Variants in CMTM8 observed in about 807,000 individuals in gnomAD.
CMTM8 encodes the protein CKLF like MARVEL transmembrane domain containing 8, also known as CKLF-like MARVEL transmembrane domain-containing protein 8.
Under a neutral mutation model 18.6 loss-of-function variants are expected in CMTM8, and 12 were observed. The observed-to-expected ratio is 0.65, with a 90% CI of 0.41 to 1.05. CMTM8 has a LOEUF of 1.05. Among genes scored for constraint, CMTM8 ranks in the 50% least tolerant of loss-of-function variants. The probability of loss-of-function intolerance (pLI) is 0.00; values close to 1 mark genes in which losing one functional copy is unlikely to be tolerated. For missense variants in CMTM8, 217 were observed against 227.2 expected (o/e 0.95, Z 0.29); for synonymous variants, 87 against 90.6 (o/e 0.96, Z 0.23).
At chr3:32,362,991 C>T (rs1397853430) in intron 2 of CMTM8, among the ~76,000 whole-genome samples, 2 of 151,836 alleles carry the variant, frequency 1.3e-5, no homozygotes, top group Non-Finnish European at 2.9e-5. Context: ...TGGCCTCTAG[C>T]TGATACAATC....
chr3:32,314,519 G>T (rs1695883085), intron 1 of CMTM8, among the ~76,000 whole-genome samples: 2 of 150,572 alleles, frequency 1.3e-5, no homozygotes, highest in Admixed American at 6.6e-5. Context: ...TCACTCTGTT[G>T]CCCAGGCTAA....
chr3:32,316,127 C>T (rs537647435), intron 1 of CMTM8, among the ~76,000 whole-genome samples: 3 of 150,482 alleles, frequency 2.0e-5, no homozygotes, highest in East Asian at 2.0e-4. Flanking sequence ...CCCGGGATCA[C>T]GCCAATTCTC....
intron 1 of CMTM8, among the ~76,000 whole-genome samples, chr3:32,274,702 T>C (rs1042355196): frequency 6.6e-6 from 1 of 152,242 alleles, no homozygotes; most frequent in African/African-American, 2.4e-5. Context: ...TTATATTCTT[T>C]TTCCCTGTCC....
chr3:32,254,176 G>A (rs1035704953), intron 1 of CMTM8, among the ~76,000 whole-genome samples: 1 of 152,212 alleles, frequency 6.6e-6, no homozygotes, highest in African/African-American at 2.4e-5. Flanking sequence ...TTACAGGTGT[G>A]AGCCACTGCA....
intron 1 of CMTM8, among the ~76,000 whole-genome samples, chr3:32,285,010 G>T (rs1290885896): frequency 1.3e-5 from 2 of 152,154 alleles, no homozygotes; most frequent in Non-Finnish European, 2.9e-5. Flanking sequence ...CAGCGAAGGT[G>T]ATCAAGGTAC....
At chr3:32,268,411 A>G (rs2125542110) in intron 1 of CMTM8, among the ~76,000 whole-genome samples, 1 of 152,266 alleles carries the variant, frequency 6.6e-6, no homozygotes, top group South Asian at 2.1e-4. Flanking sequence ...ACTTGGACAC[A>G]GGAGGGGGAA....
At chr3:32,303,272 A>G (rs1695658162) in intron 1 of CMTM8, among the ~76,000 whole-genome samples, 1 of 152,246 alleles carries the variant, frequency 6.6e-6, no homozygotes, top group African/African-American at 2.4e-5. Flanking sequence ...TTAACAAGTT[A>G]TGAAGATTAC....
At chr3:32,353,180 G>T (rs543992252) in intron 1 of CMTM8, among the ~76,000 whole-genome samples, 1 of 152,306 alleles carries the variant, frequency 6.6e-6, no homozygotes, top group African/African-American at 2.4e-5. Context: ...TCTTAGTGGA[G>T]ATGGGGTTTT....
intron 1 of CMTM8, among the ~76,000 whole-genome samples, chr3:32,288,893 G>A (rs1457571930): frequency 6.6e-6 from 1 of 152,132 alleles, no homozygotes; most frequent in African/African-American, 2.4e-5. Flanking sequence ...CATGCCATTA[G>A]CTCATTTTCA....
At chr3:32,342,995 T>C (rs545885782) in intron 1 of CMTM8, among the ~76,000 whole-genome samples, 1 of 152,250 alleles carries the variant, frequency 6.6e-6, no homozygotes, top group East Asian at 1.9e-4. Flanking sequence ...ACAGTAAGGA[T>C]TTTCCCCACT....
intron 1 of CMTM8, among the ~76,000 whole-genome samples, chr3:32,281,323 G>A (rs1357080352): frequency 6.6e-6 from 1 of 152,144 alleles, no homozygotes; most frequent in Non-Finnish European, 1.5e-5. Flanking sequence ...CTCTTCTCTT[G>A]GAACGTTTTG....
At chr3:32,292,172 G>GT (rs1397180933) in intron 1 of CMTM8, among the ~76,000 whole-genome samples, 5 of 152,174 alleles carry the variant, frequency 3.3e-5, no homozygotes, top group Non-Finnish European at 5.9e-5. Flanking sequence ...ATGAGCTTGA[G>GT]TTTGCGTGTG....
rs142730128 is a variant in CMTM8 at position 32,273,331 on chromosome 3, TACACACAC to T, written c.147+34222_147+34229del. Among the ~76,000 whole-genome samples the T allele has an allele frequency of 2.1e-4, 32 of 151,012 alleles. No individual in the cohort carries two copies. In the South Asian group the frequency reaches 6.3e-3, roughly 30 times the overall value. On this transcript the variant is annotated intron_variant, in intron 1 of 3. Coordinates refer to ENST00000307526, the MANE Select transcript of CMTM8 (RefSeq NM_178868.5). ...ATCCCAAGATATGTGTATGTATGTG[TACACACAC>T]ACACACACATATATATATACATACA...
In CMTM8 at chr3:32,369,108, A is replaced by C. The variant is rs556943844; in HGVS notation, c.439-776A>C. ...TGGATCACCTGAGGTCAGGAGTTCA[A>C]GGCCAGCCTGACCAACATGGTGAAA... is the stretch of plus-strand genomic sequence containing the variant. On this transcript the variant is annotated intron_variant, in intron 3 of 3. Transcript: ENST00000307526. Among the ~76,000 whole-genome samples, 3 of 152,224 alleles carry C rather than the reference A, an allele frequency of 2.0e-5. No homozygotes were observed. The South Asian group carries it at 6.2e-4, about 32-fold the overall frequency.
intron 1 of CMTM8, among the ~76,000 whole-genome samples, chr3:32,319,074 A>ATATTTTTTTTTTTTTTT: frequency 2.5e-4 from 8 of 31,532 alleles, no homozygotes; most frequent in Admixed American, 5.7e-4. Flanking sequence ...ATATATATAT[A>ATATTTTTTTTTTTTTTT]TTTTTTTTTT....
intron 1 of CMTM8, among the ~76,000 whole-genome samples, chr3:32,351,833 G>A (rs1169926676): frequency 1.3e-5 from 2 of 151,990 alleles, no homozygotes; most frequent in Admixed American, 1.3e-4. Context: ...TCTCTCTTAT[G>A]TAAAGATCTC....
rs552184586 is a variant in CMTM8 at position 32,342,010 on chromosome 3, G to A, written c.148-15363G>A. 2.5e-4 allele frequency among the ~76,000 whole-genome samples: 38 copies of A among 152,170 alleles called. 1 individual carries two copies. The highest frequency in any genetic ancestry group is 3.4e-3 in the Middle Eastern group (1 of 294). On this transcript the variant is annotated intron_variant, in intron 1 of 3. Transcript: ENST00000307526. ...CGCCTGTAATCCCAGCACTTTGGGA[G>A]GCTGAGGTGGGCGGATCACCTGAGG...
At chr3:32,365,178 C>A (rs1478222821) in intron 2 of CMTM8, among the ~76,000 whole-genome samples, 1 of 152,110 alleles carries the variant, frequency 6.6e-6, no homozygotes, top group East Asian at 1.9e-4. Context: ...GGTCATGTCA[C>A]CACAGCCAAA....
intron 2 of CMTM8, 106 bp downstream of exon 2, chr3:32,357,652 C>A: frequency 2.6e-6 from 3 of 1,166,920 alleles, no homozygotes; most frequent in African/African-American, 1.5e-5. Context: ...AAAGGTGGGG[C>A]CATACCATGG....
Sources: gnomAD v4.1 joint callset for allele counts (sites outside exome capture counted in the v4.1 genomes callset) on GRCh38, gnomAD v4.1.1 for gene constraint, MANE v1.5 for transcripts, NCBI Gene and HGNC (gene_info 2026-07-23, HGNC 2026-07-21) for gene names.